ZNF469: variants seen among roughly 807,000 people sequenced by gnomAD.
ZNF469 encodes the protein zinc finger protein 469.
A neutral mutation model predicts 1.0 loss-of-function variants in ZNF469; 1 was observed. The observed-to-expected ratio is 1.00, with a 90% CI of 0.35 to 4.73. ZNF469 has a LOEUF of 4.73. Ranked by LOEUF, ZNF469 falls within the 30% of genes most tolerant of loss-of-function variation. The pLI is 0.16. For missense variants in ZNF469, 6,100 were observed against 5,356.3 expected, an observed-to-expected ratio of 1.14 and a Z score of -4.33; for synonymous variants, 2,703 against 2,363.4, an observed-to-expected ratio of 1.14 and a Z score of -4.17.
At chr16:88,136,607 G>A in the ZNF469 span, among the ~76,000 whole-genome samples, 41 of 152,370 alleles carry the variant, frequency 2.7e-4, no homozygotes, top group East Asian at 5.8e-3. Flanking sequence ...GGCCCCGCCC[G>A]TGGGGGCCCG....
chr16:88,380,283 GCA>G (rs71654152), upstream of ZNF469, among the ~76,000 whole-genome samples: 30,797 of 90,168 alleles, frequency 0.34, 6,885 homozygotes, highest in East Asian at 0.62. Flanking sequence ...ACCCAGACAT[GCA>G]CACACACACA....
chr16:88,150,257 C>A, the ZNF469 span, among the ~76,000 whole-genome samples: 6 of 152,156 alleles, frequency 3.9e-5, no homozygotes, highest in African/African-American at 1.2e-4. Context: ...TTGCAGTGAA[C>A]CGAGATCACA....
Position 88,439,880 on chromosome 16 carries a change from G to T in ZNF469, c.*548G>T, listed in dbSNP as rs1906879497. 1 of 181,422 alleles carries T rather than the reference G, an allele frequency of 5.5e-6. No homozygotes were observed. Among genetic ancestry groups the T allele is most frequent in the South Asian group, 1.1e-4 (1 of 9,360 alleles). The allele number at this position is 181,422 out of a possible 1,614,324, so 11.2% of individuals were successfully genotyped here. Reference sequence around the variant, plus strand: ...GCCTGGTCCCCCAAGAGCACAACAGGCCTCCTCCCTCTGACCACAGGGTCA... The same window carrying T: ...GCCTGGTCCCCCAAGAGCACAACAGTCCTCCTCCCTCTGACCACAGGGTCA... On this transcript the variant is annotated 3_prime_UTR_variant, in exon 3 of 3. Transcript: ENST00000565624.
At chr16:88,284,843 A>G in the ZNF469 span, among the ~76,000 whole-genome samples, 10 of 152,250 alleles carry the variant, frequency 6.6e-5, no homozygotes, top group Admixed American at 1.3e-4. Flanking sequence ...GTCCCCACAC[A>G]TGGATTCCTG....
the ZNF469 span, among the ~76,000 whole-genome samples, chr16:88,322,156 C>T: frequency 2.0e-5 from 3 of 152,202 alleles, no homozygotes; most frequent in Non-Finnish European, 2.9e-5. Flanking sequence ...ACCCTCCCCG[C>T]GGCCTCGGCA....
chr16:88,201,565 TAAAA>T, the ZNF469 span, among the ~76,000 whole-genome samples: 1 of 144,436 alleles, frequency 6.9e-6, no homozygotes, highest in Non-Finnish European at 1.5e-5. This position sits in a 1 kb window ranked among gnomAD's most constrained non-coding sequence, Gnocchi z 5.0. Flanking sequence ...ATAAATAAAT[TAAAA>T]AAAAAAAATG....
chr16:88,246,971 GTGAA>G, the ZNF469 span, among the ~76,000 whole-genome samples: 3 of 151,910 alleles, frequency 2.0e-5, no homozygotes, highest in Non-Finnish European at 2.9e-5. Context: ...GAATAAGTGA[GTGAA>G]TGAGTGAATG....
At chr16:88,169,686 C>T in the ZNF469 span, among the ~76,000 whole-genome samples, 1 of 152,358 alleles carries the variant, frequency 6.6e-6, no homozygotes, top group Admixed American at 6.5e-5. The surrounding 1 kb of genome is among the most constrained non-coding windows in gnomAD (Gnocchi z 6.1). Context: ...GGTCGGCCTT[C>T]GTGCTTACAT....
the ZNF469 span, among the ~76,000 whole-genome samples, chr16:88,133,018 A>T: frequency 6.6e-6 from 1 of 152,172 alleles, no homozygotes; most frequent in Admixed American, 6.5e-5. Flanking sequence ...ATGCCAGGAG[A>T]CCCGTGGGCA....
chr16:88,133,836 G>A, the ZNF469 span, among the ~76,000 whole-genome samples: 2 of 152,226 alleles, frequency 1.3e-5, no homozygotes, highest in Admixed American at 1.3e-4. Flanking sequence ...GCTCACGCCT[G>A]TAATCCCAGC....
At chr16:88,126,587 G>A in the ZNF469 span, among the ~76,000 whole-genome samples, 4 of 111,944 alleles carry the variant, frequency 3.6e-5, no homozygotes, top group African/African-American at 5.8e-5. Context: ...AGTGAATTGT[G>A]TTGATTGATT....
chr16:88,240,106 G>A, the ZNF469 span, among the ~76,000 whole-genome samples: 3 of 151,150 alleles, frequency 2.0e-5, no homozygotes, highest in East Asian at 3.9e-4. Context: ...CTGAGCCGGC[G>A]ATGCTGGCTG....
At chr16:88,334,834 C>T in the ZNF469 span, among the ~76,000 whole-genome samples, 2 of 151,564 alleles carry the variant, frequency 1.3e-5, no homozygotes, top group East Asian at 1.9e-4. Flanking sequence ...AAGATGCCGA[C>T]GGGAGGACAC....
chr16:88,374,917 C>A, the ZNF469 span, among the ~76,000 whole-genome samples: 2 of 152,232 alleles, frequency 1.3e-5, no homozygotes, highest in Non-Finnish European at 2.9e-5. Context: ...GTTTTACCTG[C>A]CCTGAGCAAA....
the ZNF469 span, among the ~76,000 whole-genome samples, chr16:88,121,617 C>G: frequency 3.3e-5 from 5 of 152,174 alleles, no homozygotes; most frequent in African/African-American, 1.2e-4. Flanking sequence ...GGCAAAATTC[C>G]ATACATATTT....
the ZNF469 span, among the ~76,000 whole-genome samples, chr16:88,249,964 C>T: frequency 0.034 from 5,129 of 152,332 alleles, 284 homozygotes; most frequent in African/African-American, 0.12. Flanking sequence ...CCTTCTCGAC[C>T]TCCAGGATTT....
chr16:88,216,907 T>A, the ZNF469 span, among the ~76,000 whole-genome samples: 2 of 152,260 alleles, frequency 1.3e-5, no homozygotes, highest in Non-Finnish European at 1.5e-5. Context: ...CTTCTTTGTC[T>A]AATCTGTGTT....
chr16:88,338,140 C>T, the ZNF469 span, among the ~76,000 whole-genome samples: 125 of 118,234 alleles, frequency 1.1e-3, no homozygotes, highest in African/African-American at 5.3e-3. Flanking sequence ...CCTCTTAATG[C>T]GCAATGCAAC....
the ZNF469 span, among the ~76,000 whole-genome samples, chr16:88,251,536 GTCTTTTTTTTT>G: frequency 1.0e-4 from 8 of 78,810 alleles, 1 homozygote; most frequent in Non-Finnish European, 1.2e-4. Flanking sequence ...TGTCCCTGCT[GTCTTTTTTTTT>G]TTTTTTTTTT....
Sources: gnomAD v4.1 joint callset for allele counts (sites outside exome capture counted in the v4.1 genomes callset) on GRCh38, gnomAD v4.1.1 for gene constraint, Gnocchi (gnomAD v3.1) non-coding constraint, MANE v1.5 for transcripts, NCBI Gene and HGNC (gene_info 2026-07-23, HGNC 2026-07-21) for gene names.